The following TIAM1 variants were observed in gnomAD, a reference collection of about 807,000 sequenced individuals.
TIAM1 encodes the protein rho guanine nucleotide exchange factor TIAM1.
In TIAM1, 65 loss-of-function variants were observed where a neutral mutation model predicts 163.5. The ratio of observed to expected loss-of-function variants is 0.40; its 90% confidence interval spans 0.33 to 0.49. The LOEUF (loss-of-function observed/expected upper bound fraction) is 0.49. TIAM1 is among the 20% of genes least tolerant of loss of function. TIAM1 has a pLI of 0.77. For synonymous variants in TIAM1, 833 were observed against 810.1 expected (o/e 1.03, Z -0.48); for missense variants, 1,789 against 2,044.7 (o/e 0.87, Z 2.41).
chr21:31,182,950 G>A (rs1217011782), intron 14 of TIAM1, among the ~76,000 whole-genome samples: 2 of 152,156 alleles, frequency 1.3e-5, no homozygotes, highest in Non-Finnish European at 1.5e-5. Flanking sequence ...AATTAATTCC[G>A]GTTATCTTCC....
At chr21:31,376,166 T>G (rs1414703360) in intron 2 of TIAM1, among the ~76,000 whole-genome samples, 1 of 152,224 alleles carries the variant, frequency 6.6e-6, no homozygotes, top group African/African-American at 2.4e-5. Context: ...TGGTTCTCTA[T>G]TTCCTTAATT....
At chr21:31,284,901 G>C (rs2073734073) in intron 2 of TIAM1, among the ~76,000 whole-genome samples, 1 of 152,044 alleles carries the variant, frequency 6.6e-6, no homozygotes, top group African/African-American at 2.4e-5. Flanking sequence ...TGGGAAGTCA[G>C]GGAAAAAGGC....
intron 1 of TIAM1, among the ~76,000 whole-genome samples, chr21:31,473,347 G>A (rs564764387): frequency 4.1e-5 from 6 of 146,670 alleles, no homozygotes; most frequent in East Asian, 4.2e-4. Flanking sequence ...GGAGAATAGC[G>A]TGAGCCTGGG....
chr21:31,443,565 T>C (rs1219687875), intron 2 of TIAM1, among the ~76,000 whole-genome samples: 1 of 152,184 alleles, frequency 6.6e-6, no homozygotes, highest in Non-Finnish European at 1.5e-5. Flanking sequence ...AAGCCCTCCT[T>C]GACCATCAAG....
intron 1 of TIAM1, among the ~76,000 whole-genome samples, chr21:31,500,543 G>T (rs2046816033): frequency 6.6e-6 from 1 of 152,170 alleles, no homozygotes; most frequent in Admixed American, 6.5e-5. Flanking sequence ...CTTGGAATAT[G>T]ACCTTATCTG....
intron 16 of TIAM1, among the ~76,000 whole-genome samples, chr21:31,164,225 C>G (rs2084086559): frequency 6.6e-6 from 1 of 152,118 alleles, no homozygotes; most frequent in Non-Finnish European, 1.5e-5. Flanking sequence ...CCTGTCTCTA[C>G]TAAAAATACA....
chr21:31,183,882 A>G (rs570514226), intron 14 of TIAM1, among the ~76,000 whole-genome samples: 103 of 151,580 alleles, frequency 6.8e-4, no homozygotes, highest in African/African-American at 2.4e-3. Flanking sequence ...TTCAGTAGGG[A>G]CGGGGTTTCA....
intron 23 of TIAM1, among the ~76,000 whole-genome samples, chr21:31,134,892 G>A (rs562126007): frequency 6.6e-6 from 1 of 152,256 alleles, no homozygotes; most frequent in South Asian, 2.1e-4. Context: ...ACTTTTCAAT[G>A]AAGGCTAAGT....
chr21:31,414,782 A>T (rs894272719), intron 2 of TIAM1, among the ~76,000 whole-genome samples: 1 of 152,232 alleles, frequency 6.6e-6, no homozygotes, highest in African/African-American at 2.4e-5. Context: ...CAGCGGGCAA[A>T]AACCCAGGGA....
intron 2 of TIAM1, among the ~76,000 whole-genome samples, chr21:31,440,224 A>C (rs550296425): frequency 6.6e-6 from 1 of 152,232 alleles, no homozygotes; most frequent in Non-Finnish European, 1.5e-5. Flanking sequence ...GCAGCGTAGC[A>C]ACTGAAGGTG....
chr21:31,199,683 A>G (rs1354144521), intron 12 of TIAM1, among the ~76,000 whole-genome samples: 1 of 151,754 alleles, frequency 6.6e-6, no homozygotes, highest in East Asian at 1.9e-4. Flanking sequence ...GGCGTGTGCC[A>G]CCATGCCTGG....
At chr21:31,513,195 T>C (rs148473455) in intron 1 of TIAM1, among the ~76,000 whole-genome samples, 13 of 152,328 alleles carry the variant, frequency 8.5e-5, no homozygotes, top group Admixed American at 6.5e-4. Context: ...ACGTACCATG[T>C]TCCAGACACT....
At chr21:31,302,998 C>A (rs2074560577) in intron 2 of TIAM1, among the ~76,000 whole-genome samples, 1 of 152,276 alleles carries the variant, frequency 6.6e-6, no homozygotes, top group East Asian at 1.9e-4. Flanking sequence ...TTTGAACTGG[C>A]AAACTCTGAT....
At chr21:31,288,614 C>G (rs2073903107) in intron 2 of TIAM1, among the ~76,000 whole-genome samples, 1 of 152,164 alleles carries the variant, frequency 6.6e-6, no homozygotes, top group Non-Finnish European at 1.5e-5. Flanking sequence ...TTTATACCAA[C>G]ATTCAGAGCA....
At chr21:31,442,943 G>A (rs1343530481) in intron 2 of TIAM1, among the ~76,000 whole-genome samples, 1 of 152,214 alleles carries the variant, frequency 6.6e-6, no homozygotes, top group Non-Finnish European at 1.5e-5. Flanking sequence ...CCCAGGGACT[G>A]GTCAGGTTGG....
chr21:31,185,441 T>A (rs949248913), intron 14 of TIAM1, among the ~76,000 whole-genome samples: 1 of 145,392 alleles, frequency 6.9e-6, no homozygotes, highest in Non-Finnish European at 1.5e-5. Context: ...TTATATATAA[T>A]TATATTAACG....
intron 12 of TIAM1, among the ~76,000 whole-genome samples, chr21:31,198,873 T>C (rs1324252316): frequency 6.6e-6 from 1 of 152,164 alleles, no homozygotes; most frequent in African/African-American, 2.4e-5. Flanking sequence ...GGCCACAACA[T>C]CCTTAGGCTG....
In TIAM1 at chr21:31,266,381, C is replaced by T. The variant is rs1310485540; in HGVS notation, c.592G>A (p.Glu198Lys). 1 of 1,614,222 alleles carries T rather than the reference C, an allele frequency of 6.2e-7. No homozygotes were observed. Among genetic ancestry groups the T allele is most frequent in the Non-Finnish European group, 8.5e-7 (1 of 1,180,058 alleles). The change falls in exon 4 of 28, where the codon GAA becomes AAA. Residue 198 changes from glutamate to lysine, a missense_variant. Around this residue, in one of 5 missense-constraint regions of TIAM1, gnomAD observed 555 missense variants for 564.9 expected, o/e 0.98. Coordinates refer to ENST00000541036, the MANE Select transcript of TIAM1 (RefSeq NM_001353694.2). Reference protein sequence around the residue: ...LSQEHLTSNEEILGSAEEKDC... With the variant: ...LSQEHLTSNEKILGSAEEKDC... ...TTCTCTTCGGCGGAACCCAAGATTT[C>T]TTCGTTGCTTGTTAAATGTTCTTGG...
At chr21:31,375,491 C>A (rs113190550) in intron 2 of TIAM1, among the ~76,000 whole-genome samples, 1 of 244 alleles carries the variant, frequency 4.1e-3, no homozygotes, top group Admixed American at 0.056. Context: ...CCCCTTCGTC[C>A]ACCTTTCTGT....
Sources: allele counts gnomAD v4.1 joint callset (sites outside exome capture counted in the v4.1 genomes callset), GRCh38; gene constraint gnomAD v4.1.1; regional missense constraint gnomAD v4.1.1; transcripts MANE v1.5; gene names NCBI Gene and HGNC (gene_info 2026-07-23, HGNC 2026-07-21).